DRGX: variants seen among roughly 807,000 people sequenced by gnomAD.
DRGX encodes dorsal root ganglia homeobox, also known as dorsal root ganglia homeobox protein.
Under a neutral mutation model 28.6 loss-of-function variants are expected in DRGX, and 21 were observed. That is an observed-to-expected ratio of 0.73 (90% CI 0.52 to 1.06). The LOEUF is 1.06. Ranked by LOEUF, DRGX falls within the 50% of genes least tolerant of loss-of-function variation. The probability of loss-of-function intolerance (pLI) is 0.00; values close to 1 mark genes in which losing one functional copy is unlikely to be tolerated. For missense variants in DRGX, 354 were observed against 343.9 expected (o/e 1.03, Z -0.23); for synonymous variants, 136 against 139.1 (o/e 0.98, Z 0.16).
In DRGX at chr10:49,375,339, C is replaced by T. The variant is rs7089198; in HGVS notation, c.527-8958G>A. 6.1e-3 allele frequency among the ~76,000 whole-genome samples: 934 copies of T among 152,304 alleles called. 8 individuals carry two copies. Among genetic ancestry groups the T allele is most frequent in the African/African-American group, 0.021 (885 of 41,562 alleles). The stretch of plus-strand genomic sequence containing the variant: ...GTCCCATTTTGGTACAAAGTAAACA[C>T]TCAGTGAATATTTGGTGAAGGGAGA... On this transcript the variant is annotated intron_variant, in intron 6 of 6. Coordinates refer to ENST00000374139, the MANE Select transcript of DRGX (RefSeq NM_001276451.2).
intron 4 of DRGX, among the ~76,000 whole-genome samples, chr10:49,388,887 T>C (rs941660555): frequency 2.0e-5 from 3 of 152,202 alleles, no homozygotes; most frequent in African/African-American, 7.2e-5. Context: ...TCACAGCCAT[T>C]GTCTGTCTGC....
At chr10:49,391,099 G>A in intron 3 of DRGX, 65 bp downstream of exon 3, 2 of 1,510,236 alleles carry the variant, frequency 1.3e-6, no homozygotes, top group Non-Finnish European at 1.8e-6. Flanking sequence ...AAGAAGAGTT[G>A]CTCAACTTTG....
At chr10:49,391,727 T>TA in intron 2 of DRGX, 1 of 468,046 alleles carries the variant, frequency 2.1e-6, no homozygotes, top group Admixed American at 2.4e-5. Context: ...ATCTGGGGGT[T>TA]AGGAGAGGCT....
chr10:49,394,731 T>C (rs551658041), intron 2 of DRGX, among the ~76,000 whole-genome samples: 1 of 152,284 alleles, frequency 6.6e-6, no homozygotes, highest in African/African-American at 2.4e-5. Flanking sequence ...GGAAATTTCT[T>C]CTCAGGCCTG....
chr10:49,386,968 CA>C (rs1457113157), intron 4 of DRGX, 110 bp from the exon 5 acceptor site: 1 of 1,293,402 alleles, frequency 7.7e-7, no homozygotes, highest in African/African-American at 1.5e-5. Flanking sequence ...CTCCTCTCCA[CA>C]CCATGCCCTC....
intron 4 of DRGX, 33 bp downstream of exon 4, chr10:49,390,100 T>G: frequency 1.3e-6 from 2 of 1,559,382 alleles, no homozygotes; most frequent in Non-Finnish European, 1.7e-6. Flanking sequence ...AGTTTTAATA[T>G]TAGAGAGTTA....
rs1322231920 is a variant in DRGX at position 49,364,256 on chromosome 10, G to C, written c.*1860C>G. On this transcript the variant is annotated 3_prime_UTR_variant, in exon 7 of 7. Coordinates refer to ENST00000374139, the MANE Select transcript of DRGX (RefSeq NM_001276451.2). Reference sequence around the variant, plus strand: ...ATGATCCAGTTTTGCACAGTCACTAGAGTGTCGCATCATGAATTATTAAAT... The same window carrying C: ...ATGATCCAGTTTTGCACAGTCACTACAGTGTCGCATCATGAATTATTAAAT... 6.6e-6 allele frequency: 1 copy of C among 152,192 alleles called. No homozygotes were observed. The highest frequency in any genetic ancestry group is 1.5e-5 in the Non-Finnish European group (1 of 68,036). 9.4% of individuals were successfully genotyped at this position (152,192 alleles called of 1,614,324 possible).
intron 6 of DRGX, among the ~76,000 whole-genome samples, chr10:49,370,492 A>G (rs1157992888): frequency 1.3e-5 from 2 of 152,224 alleles, no homozygotes; most frequent in African/African-American, 2.4e-5. Context: ...GACTGCAGCA[A>G]AAGTGTCCAT....
intron 6 of DRGX, among the ~76,000 whole-genome samples, chr10:49,383,304 C>T (rs1353771915): frequency 6.6e-6 from 1 of 152,216 alleles, no homozygotes; most frequent in African/African-American, 2.4e-5. Context: ...CGCTCACTTG[C>T]CTCCCTTTCC....
chr10:49,393,913 C>T (rs904193368), intron 2 of DRGX, among the ~76,000 whole-genome samples: 10 of 152,198 alleles, frequency 6.6e-5, no homozygotes, highest in Non-Finnish European at 1.0e-4. Flanking sequence ...CAGTCCACCC[C>T]GCAGACAGAC....
intron 6 of DRGX, among the ~76,000 whole-genome samples, chr10:49,383,302 T>C (rs1216547960): frequency 6.6e-6 from 1 of 152,218 alleles, no homozygotes. Context: ...ATCGCTCACT[T>C]GCCTCCCTTT....
At chr10:49,384,587 G>C (rs1849811189) in intron 6 of DRGX, among the ~76,000 whole-genome samples, 1 of 152,234 alleles carries the variant, frequency 6.6e-6, no homozygotes, top group South Asian at 2.1e-4. Flanking sequence ...TTAGGGAAGG[G>C]GTGGAGGGGA....
intron 2 of DRGX, 121 bp downstream of exon 2, chr10:49,395,286 C>A: frequency 7.9e-7 from 1 of 1,273,514 alleles, no homozygotes. Flanking sequence ...CCCTACTCAC[C>A]GGCAGGCGGC....
intron 1 of DRGX, 51 bp from the exon 2 acceptor site, chr10:49,395,572 CGCCCA>C: frequency 2.6e-6 from 3 of 1,151,364 alleles, no homozygotes; most frequent in Non-Finnish European, 3.7e-6. Context: ...CCAGCGCTCC[CGCCCA>C]GCCCTAGGGC....
intron 6 of DRGX, among the ~76,000 whole-genome samples, chr10:49,367,500 C>T (rs573352469): frequency 1.3e-5 from 2 of 152,296 alleles, no homozygotes; most frequent in South Asian, 4.1e-4. Context: ...TGGACCTAAC[C>T]ATTGAATGAA....
chr10:49,395,718 C>T (rs1849961561), intron 1 of DRGX, among the ~76,000 whole-genome samples, 197 bp from the exon 2 acceptor site: 1 of 152,204 alleles, frequency 6.6e-6, no homozygotes, highest in Admixed American at 6.5e-5. Flanking sequence ...GTCCACCTCC[C>T]GGACGGCCGT....
intron 4 of DRGX, among the ~76,000 whole-genome samples, chr10:49,389,475 C>G (rs1407201019): frequency 6.6e-6 from 1 of 152,174 alleles, no homozygotes; most frequent in Non-Finnish European, 1.5e-5. Flanking sequence ...CCGTGAATCC[C>G]TTCCTCTCGC....
intron 6 of DRGX, among the ~76,000 whole-genome samples, chr10:49,385,297 C>A (rs1849819102): frequency 1.3e-5 from 2 of 152,170 alleles, no homozygotes; most frequent in South Asian, 4.1e-4. Context: ...CACTCAGAAG[C>A]AGCCCCAGGC....
rs1450862231 is a variant in DRGX, at chr10:49,366,399, A to G, written c.527-18T>C. 2.5e-6 allele frequency: 4 copies of G among 1,586,598 alleles called. No homozygotes were observed. The highest frequency in any genetic ancestry group is 1.3e-5 in the African/African-American group (1 of 74,344). On this transcript the variant is annotated intron_variant, in intron 6 of 6. Coordinates refer to ENST00000374139, the MANE Select transcript of DRGX (RefSeq NM_001276451.2). ...TGGGCCCCCTGGAAAAGGAAAAACA[A>G]CAGGCTCCCATCACTGTCTACTTTC...
Sources: allele counts gnomAD v4.1 joint callset (sites outside exome capture counted in the v4.1 genomes callset), GRCh38; gene constraint gnomAD v4.1.1; transcripts MANE v1.5; gene names NCBI Gene and HGNC (gene_info 2026-07-23, HGNC 2026-07-21).